PDE3B: variants seen among roughly 807,000 people sequenced by gnomAD.
The protein encoded by PDE3B is phosphodiesterase 3B.
Under a neutral mutation model 116.8 loss-of-function variants are expected in PDE3B, and 66 were observed. The ratio of observed to expected loss-of-function variants is 0.56; its 90% CI spans 0.46 to 0.69. The LOEUF (loss-of-function observed/expected upper bound fraction) is 0.69, where lower values mean the gene tolerates loss of function less well. Ranked by LOEUF, PDE3B falls within the 30% of genes least tolerant of loss-of-function variation. PDE3B has a pLI of 0.00. For synonymous variants in PDE3B, 595 were observed against 533.6 expected, an observed-to-expected ratio of 1.12 and a Z score of -1.59; for missense variants, 1,384 against 1,368.1, an observed-to-expected ratio of 1.01 and a Z score of -0.18.
At chr11:14,862,491 G>A (rs1440667025) in intron 14 of PDE3B, among the ~76,000 whole-genome samples, 1 of 152,218 alleles carries the variant, frequency 6.6e-6, no homozygotes, top group East Asian at 1.9e-4. Flanking sequence ...CAACTGGGAA[G>A]AAATCCGGAC....
At chr11:14,714,053 C>T (rs953566609) in intron 1 of PDE3B, among the ~76,000 whole-genome samples, 1 of 151,876 alleles carries the variant, frequency 6.6e-6, no homozygotes, top group East Asian at 1.9e-4. Flanking sequence ...AGTGGCAGTG[C>T]GCGTGTGACT....
intron 4 of PDE3B, among the ~76,000 whole-genome samples, chr11:14,801,810 C>CT (rs939122978): frequency 5.3e-5 from 8 of 152,314 alleles, no homozygotes; most frequent in African/African-American, 1.9e-4. Flanking sequence ...GGGCTGCTGC[C>CT]TTTTTTTCAG....
chr11:14,646,265 T>C (rs1853403173), intron 1 of PDE3B, among the ~76,000 whole-genome samples: 1 of 152,246 alleles, frequency 6.6e-6, no homozygotes. Flanking sequence ...TTCCTTCACT[T>C]CTTGTCTGTC....
intron 10 of PDE3B, among the ~76,000 whole-genome samples, chr11:14,834,743 A>G (rs1860000679): frequency 6.6e-6 from 1 of 152,232 alleles, no homozygotes; most frequent in Non-Finnish European, 1.5e-5. Flanking sequence ...ATGCCTTTCA[A>G]TACTCCTTGG....
At chr11:14,810,529 A>G (rs868015032) in intron 5 of PDE3B, among the ~76,000 whole-genome samples, 16 of 151,974 alleles carry the variant, frequency 1.1e-4, no homozygotes, top group South Asian at 2.1e-4. Context: ...AGTATTCCAT[A>G]GTGTATATGT....
chr11:14,781,654 T>C (rs1026512417), intron 2 of PDE3B, among the ~76,000 whole-genome samples: 2 of 152,126 alleles, frequency 1.3e-5, no homozygotes, highest in African/African-American at 2.4e-5. Flanking sequence ...ATTGATGGGA[T>C]GTATCTCAAA....
chr11:14,858,910 G>A, intron 12 of PDE3B, 133 bp from the exon 13 acceptor site: 2 of 582,600 alleles, frequency 3.4e-6, no homozygotes, highest in Non-Finnish European at 5.9e-6. Flanking sequence ...ATTTTCACAG[G>A]TACTAAAATA....
intron 1 of PDE3B, among the ~76,000 whole-genome samples, chr11:14,734,547 C>T (rs1268658455): frequency 6.6e-6 from 1 of 152,132 alleles, no homozygotes; most frequent in Non-Finnish European, 1.5e-5. Context: ...TAAAACAATA[C>T]TCTCAGCATG....
intron 11 of PDE3B, among the ~76,000 whole-genome samples, chr11:14,842,125 G>T (rs1185734914): frequency 6.6e-6 from 1 of 151,900 alleles, no homozygotes; most frequent in Non-Finnish European, 1.5e-5. Context: ...ACGAGATTAG[G>T]CCATCTGTGA....
intron 1 of PDE3B, among the ~76,000 whole-genome samples, chr11:14,753,372 A>G (rs897294000): frequency 3.9e-5 from 6 of 152,296 alleles, no homozygotes; most frequent in Admixed American, 2.6e-4. Context: ...GTTAAATTGA[A>G]TGCCCTAAAT....
chr11:14,685,446 C>CT (rs71044017), intron 1 of PDE3B, among the ~76,000 whole-genome samples: 18,542 of 85,960 alleles, frequency 0.22, 4,389 homozygotes, highest in Non-Finnish European at 0.31. Flanking sequence ...TTTTTCTCAT[C>CT]TTTTTTTTTT....
chr11:14,725,311 CTTTCTTTCTTTCTTTCTT>C lies in PDE3B; in HGVS notation c.979-46606_979-46589del, dbSNP rs1159720511. ...TCTTTTTCTTTCTTTCTTTCTTTCT[CTTTCTTTCTTTCTTTCTT>C]TTTCTTTCTTTCTTTCTTTCTTCTT... is the stretch of plus-strand genomic sequence containing the variant. On this transcript the variant is annotated intron_variant, in intron 1 of 15. Transcript: ENST00000282096. Among the ~76,000 whole-genome samples the C allele has an allele frequency of 2.7e-3, 183 of 66,994 alleles. 1 individual carries two copies. The highest frequency in any genetic ancestry group is 5.7e-3 in the Non-Finnish European group (129 of 22,458). 44.0% of individuals were successfully genotyped at this position (66,994 alleles called of 152,430 possible). A position where few individuals can be genotyped will look rare whatever the true frequency, so the allele number is the denominator to read the frequency against.
At chr11:14,853,372 A>G (rs1827235586) in intron 12 of PDE3B, among the ~76,000 whole-genome samples, 1 of 152,190 alleles carries the variant, frequency 6.6e-6, no homozygotes, top group South Asian at 2.1e-4. Flanking sequence ...TGACATACAA[A>G]AAGCATTTAG....
At chr11:14,722,534 C>T (rs1022774656) in intron 1 of PDE3B, among the ~76,000 whole-genome samples, 5 of 152,102 alleles carry the variant, frequency 3.3e-5, no homozygotes, top group Admixed American at 6.5e-5. Context: ...GTATAGTGGA[C>T]GGCATCGTTT....
At chr11:14,851,603 G>A (rs1479445149) in intron 12 of PDE3B, among the ~76,000 whole-genome samples, 3 of 151,984 alleles carry the variant, frequency 2.0e-5, no homozygotes, top group Non-Finnish European at 2.9e-5. Context: ...ATGATTTCCA[G>A]AGGTAACTTT....
chr11:14,823,932 G>C (rs1168538271), intron 7 of PDE3B, among the ~76,000 whole-genome samples: 1 of 152,240 alleles, frequency 6.6e-6, no homozygotes, highest in Non-Finnish European at 1.5e-5. Flanking sequence ...AGAACTCCCA[G>C]TGGGAGGGGT....
At chr11:14,713,832 T>G (rs551378578) in intron 1 of PDE3B, among the ~76,000 whole-genome samples, 124 of 152,282 alleles carry the variant, frequency 8.1e-4, no homozygotes, top group Non-Finnish European at 1.6e-3. Context: ...GAGGCTAAAC[T>G]ATCGTATAAG....
At chr11:14,841,398 T>C (rs59482041) in intron 11 of PDE3B, among the ~76,000 whole-genome samples, 1,798 of 148,324 alleles carry the variant, frequency 0.012, 36 homozygotes, top group African/African-American at 0.041. Flanking sequence ...CATATATATA[T>C]ATGAATAACC....
chr11:14,891,630 G>C, the PDE3B span: 1 of 1,095,550 alleles, frequency 9.1e-7, no homozygotes. Context: ...GCCCGCACCT[G>C]AGGGCATGCG....
Sources: allele counts gnomAD v4.1 joint callset (sites outside exome capture counted in the v4.1 genomes callset), GRCh38; gene constraint gnomAD v4.1.1; transcripts MANE v1.5; gene names NCBI Gene and HGNC (gene_info 2026-07-23, HGNC 2026-07-21).